The following BICC1 variants were observed in gnomAD, a reference collection of about 807,000 sequenced individuals.
The protein encoded by BICC1 is protein bicaudal C homolog 1.
A neutral mutation model predicts 111.0 loss-of-function variants in BICC1; 43 were observed. The observed-to-expected ratio is 0.39, with a 90% confidence interval of 0.30 to 0.50. The LOEUF (loss-of-function observed/expected upper bound fraction) is 0.50. BICC1 is among the 20% of genes least tolerant of loss of function. BICC1 has a pLI of 0.88. For synonymous variants in BICC1, 467 were observed against 434.4 expected, an observed-to-expected ratio of 1.07 and a Z score of -0.93; for missense variants, 1,091 against 1,203.2, an observed-to-expected ratio of 0.91 and a Z score of 1.38.
intron 1 of BICC1, among the ~76,000 whole-genome samples, chr10:58,553,061 A>G (rs928948829): frequency 1.3e-5 from 2 of 151,858 alleles, no homozygotes; most frequent in Admixed American, 1.3e-4. Context: ...CTTTAAATTG[A>G]CCCCCATAGG....
At position 58,525,548 on chromosome 10, in the gene BICC1, A is replaced by T. The variant is rs1404610262; in HGVS notation, c.190+12215A>T. Among the ~76,000 whole-genome samples, 4 of 119,524 alleles carry T rather than the reference A, an allele frequency of 3.3e-5. No individual in the cohort carries two copies. The East Asian group carries it at 8.5e-4, about 25-fold the overall frequency. 78.4% of individuals were successfully genotyped at this position (119,524 alleles called of 152,430 possible). ...GGACACAGGAAGGGGAATATCACACACTGGGGCCTGTTGTGGGGTGGGGGG... is the reference window on the plus strand; with the variant it reads ...GGACACAGGAAGGGGAATATCACACTCTGGGGCCTGTTGTGGGGTGGGGGG... On this transcript the variant is annotated intron_variant, in intron 1 of 20. Transcript: ENST00000373886.
At chr10:58,827,194 A>G (rs1844424650) in intron 20 of BICC1, among the ~76,000 whole-genome samples, 1 of 152,224 alleles carries the variant, frequency 6.6e-6, no homozygotes, top group Non-Finnish European at 1.5e-5. Flanking sequence ...GGATTGTTAC[A>G]CATGGTACTT....
intron 3 of BICC1, among the ~76,000 whole-genome samples, chr10:58,721,826 A>G (rs998500483): frequency 1.3e-5 from 2 of 152,178 alleles, no homozygotes; most frequent in Non-Finnish European, 1.5e-5. Flanking sequence ...GCTATTGGCA[A>G]CTATGATGTG....
Position 58,638,680 on chromosome 10 carries a change from T to G in BICC1, c.237+17779T>G, listed in dbSNP as rs529009851. Among the ~76,000 whole-genome samples, 8 of 152,204 alleles carry G rather than the reference T, an allele frequency of 5.3e-5. No individual in the cohort carries two copies. In the East Asian group the frequency reaches 1.5e-3, roughly 29 times the overall value. Reference sequence around the variant, plus strand: ...AGAAAGGATGCCCAGAGGCTACTTGTACCAATAAGAGCCACCGCTTGTTGT... The same window carrying G: ...AGAAAGGATGCCCAGAGGCTACTTGGACCAATAAGAGCCACCGCTTGTTGT... On this transcript the variant is annotated intron_variant, in intron 2 of 20. Coordinates refer to ENST00000373886, the MANE Select transcript of BICC1 (RefSeq NM_001080512.3).
intron 3 of BICC1, among the ~76,000 whole-genome samples, chr10:58,706,007 A>G (rs1266343433): frequency 1.3e-5 from 2 of 152,228 alleles, no homozygotes; most frequent in African/African-American, 4.8e-5. Flanking sequence ...ACAACAAAGC[A>G]ATATTTGATA....
chr10:58,667,110 A>T (rs1019250239), intron 2 of BICC1, among the ~76,000 whole-genome samples: 1 of 152,078 alleles, frequency 6.6e-6, no homozygotes, highest in African/African-American at 2.4e-5. Context: ...TTACTTACCA[A>T]ACTAGGATTT....
In BICC1 at chr10:58,644,621, C is replaced by T. The variant is rs182655582; in HGVS notation, c.237+23720C>T. ...ACATCTAGGGCCACGTTAGAGTGAT[C>T]GAAAAAACTAGATAAGGATAAGTAT... On this transcript the variant is annotated intron_variant, in intron 2 of 20. Coordinates refer to ENST00000373886, the MANE Select transcript of BICC1 (RefSeq NM_001080512.3). 2.6e-3 allele frequency among the ~76,000 whole-genome samples: 395 copies of T among 151,896 alleles called. 2 individuals are homozygous for T. The highest frequency in any genetic ancestry group is 8.4e-3 in the African/African-American group (348 of 41,424).
chr10:58,737,265 C>T (rs1841500111), intron 3 of BICC1, among the ~76,000 whole-genome samples: 1 of 152,150 alleles, frequency 6.6e-6, no homozygotes, highest in African/African-American at 2.4e-5. Context: ...CACCGCACAA[C>T]AGTCCCTGGT....
At chr10:58,668,220 A>T (rs1015372035) in intron 2 of BICC1, among the ~76,000 whole-genome samples, 4 of 152,134 alleles carry the variant, frequency 2.6e-5, no homozygotes, top group Non-Finnish European at 5.9e-5. Flanking sequence ...CAGTTGGTGC[A>T]TTATTGCCTT....
At chr10:58,533,043 T>A (rs1842722479) in intron 1 of BICC1, among the ~76,000 whole-genome samples, 1 of 151,620 alleles carries the variant, frequency 6.6e-6, no homozygotes, top group Admixed American at 6.6e-5. Flanking sequence ...GAAAATAACA[T>A]CTGCCTCCGT....
At chr10:58,697,727 G>T (rs1840104740) in intron 2 of BICC1, among the ~76,000 whole-genome samples, 1 of 152,042 alleles carries the variant, frequency 6.6e-6, no homozygotes, top group South Asian at 2.1e-4. Flanking sequence ...CATGCCACTT[G>T]CAGGAGATGT....
intron 2 of BICC1, among the ~76,000 whole-genome samples, chr10:58,674,612 G>A (rs1049517075): frequency 2.0e-5 from 3 of 152,242 alleles, no homozygotes; most frequent in African/African-American, 7.2e-5. Flanking sequence ...GCCGCTTGAA[G>A]GACCAATTCA....
At chr10:58,546,627 C>T (rs886132116) in intron 1 of BICC1, among the ~76,000 whole-genome samples, 12 of 152,032 alleles carry the variant, frequency 7.9e-5, no homozygotes, top group Non-Finnish European at 1.8e-4. Context: ...GCTCTGGGAT[C>T]CTCTGTAGTG....
intron 3 of BICC1, among the ~76,000 whole-genome samples, chr10:58,733,755 T>G (rs1841388185): frequency 6.6e-6 from 1 of 152,238 alleles, no homozygotes; most frequent in South Asian, 2.1e-4. Flanking sequence ...GCATCATAAA[T>G]GCATTGCTGG....
intron 2 of BICC1, among the ~76,000 whole-genome samples, chr10:58,670,423 G>A (rs554028146): frequency 6.6e-5 from 10 of 152,066 alleles, no homozygotes; most frequent in Middle Eastern, 3.4e-3. Flanking sequence ...ATCATCCTAC[G>A]CCTTCCAAAA....
At chr10:58,542,133 A>T (rs1009291367) in intron 1 of BICC1, among the ~76,000 whole-genome samples, 8 of 146,876 alleles carry the variant, frequency 5.4e-5, no homozygotes, top group Non-Finnish European at 7.5e-5. Flanking sequence ...CCCAGGTGAC[A>T]GAGCAAGACC....
chr10:58,823,213 C>T, intron 20 of BICC1: 1 of 984,984 alleles, frequency 1.0e-6, no homozygotes, highest in Non-Finnish European at 1.2e-6. Flanking sequence ...CATTTCCCGA[C>T]CTATTCTTTT....
chr10:58,748,879 A>T (rs888770431), intron 3 of BICC1, among the ~76,000 whole-genome samples: 6 of 152,124 alleles, frequency 3.9e-5, no homozygotes, highest in South Asian at 2.1e-4. Context: ...TTAGAGAAGG[A>T]TTGCACTCCA....
chr10:58,599,456 C>T (rs1203818613), intron 1 of BICC1, among the ~76,000 whole-genome samples: 1 of 152,098 alleles, frequency 6.6e-6, no homozygotes, highest in East Asian at 1.9e-4. Flanking sequence ...ACAGTGAGAA[C>T]ACATGGACAT....
Sources: allele counts gnomAD v4.1 joint callset (sites outside exome capture counted in the v4.1 genomes callset), GRCh38; gene constraint gnomAD v4.1.1; transcripts MANE v1.5; gene names NCBI Gene and HGNC (gene_info 2026-07-23, HGNC 2026-07-21).